Variants in ALPK3 observed in about 807,000 individuals in gnomAD.
ALPK3 encodes alpha-protein kinase 3.
A neutral mutation model predicts 140.0 loss-of-function variants in ALPK3; 102 were observed. The ratio of observed to expected loss-of-function variants is 0.73; its 90% CI spans 0.62 to 0.86. The LOEUF (loss-of-function observed/expected upper bound fraction) is 0.86. ALPK3 is among the 40% of genes least tolerant of loss of function. ALPK3 has a pLI of 0.00. For synonymous variants in ALPK3, 938 were observed against 898.5 expected, an observed-to-expected ratio of 1.04 and a Z score of -0.79; for missense variants, 2,254 against 2,208.2, an observed-to-expected ratio of 1.02 and a Z score of -0.42.
rs774145178 is a variant in ALPK3 at position 84,840,068 on chromosome 15, G to C, written c.789G>C (p.Leu263Phe). ...CTGAGACTGCTCAGCACTCAGGTTT[G>C]GGCCTGATCAACAGTTTTGCTTCTG... ...GETETAQHSG[L>F]GLINSFASGE... Residue 263 changes from leucine (L) to phenylalanine (F), a missense_variant, in exon 5 of 14, where the codon TTG (leucine) becomes TTC (phenylalanine). Transcript: ENST00000258888. 1 of 1,614,038 alleles carries C rather than the reference G, an allele frequency of 6.2e-7. No homozygotes were observed. Among genetic ancestry groups the C allele is most frequent in the African/African-American group, 1.3e-5 (1 of 74,938 alleles).
At chr15:84,858,595 G>A (rs1398047980) in intron 6 of ALPK3, 40 bp downstream of exon 6, 1 of 1,528,644 alleles carries the variant, frequency 6.5e-7, no homozygotes, top group Non-Finnish European at 8.7e-7. Context: ...TCACAGGACA[G>A]GGCCACAGAA....
chr15:84,871,797 C>T lies in ALPK3; in HGVS notation c.*3341C>T, dbSNP rs999031638. 6.6e-6 allele frequency: 1 copy of T among 152,258 alleles called. No individual in the cohort carries two copies. Among genetic ancestry groups the T allele is most frequent in the Non-Finnish European group, 1.5e-5 (1 of 68,062 alleles). The allele number at this position is 152,258 out of a possible 1,614,324, so 9.4% of individuals were successfully genotyped here. A position where few individuals can be genotyped will look rare whatever the true frequency, so the allele number is the denominator to read the frequency against. On this transcript the variant is annotated 3_prime_UTR_variant, in exon 14 of 14. Transcript: ENST00000258888. ...CCTGACAAGATGAGTGAATGCCTGC[C>T]CATCAACCCGTTACTATTCTTTTAG...
rs1234336773 is a variant in ALPK3 at position 84,858,544 on chromosome 15, A to T, written c.3806A>T (p.Asp1269Val). Residue 1269 changes from aspartate (D) to valine (V), a missense_variant, in exon 6 of 14, where the codon GAC (aspartate) becomes GTC (valine). Coordinates refer to ENST00000258888, the MANE Select transcript of ALPK3 (RefSeq NM_020778.5). ...ETLAKPRKAK[D>V]LLKAPQVIRK... is the part of the protein sequence containing the mutation. ...CTGGCCAAGCCCAGGAAAGCCAAAG[A>T]CCTGCTGAAAGGTGAGCAGTGGGGA... The T allele has an allele frequency of 6.3e-7, 1 of 1,586,512 alleles. No homozygotes were observed. Among genetic ancestry groups the T allele is most frequent in the Admixed American group, 1.7e-5 (1 of 57,674 alleles).
chr15:84,824,286 C>A (rs1963460941), intron 2 of ALPK3, among the ~76,000 whole-genome samples: 1 of 152,196 alleles, frequency 6.6e-6, no homozygotes, highest in African/African-American at 2.4e-5. Context: ...TCTGGGCAGG[C>A]TCATGGTCCA....
Position 84,868,222 on chromosome 15 carries a change from G to A in ALPK3, c.4884G>A (p.Pro1628=), listed in dbSNP as rs149117940. The change falls in exon 14 of 14, where the codon CCG becomes CCA. Residue 1628 remains proline, a synonymous_variant. Coordinates refer to ENST00000258888, the MANE Select transcript of ALPK3 (RefSeq NM_020778.5). The part of the protein sequence containing the change: ...ELLGLTPLKG[P]EAAHPQAKAK... Reference sequence around the variant, plus strand: ...TGGGGCTGACACCTCTCAAGGGCCCGGAGGCGGCCCACCCCCAAGCCAAAG... The same window carrying A: ...TGGGGCTGACACCTCTCAAGGGCCCAGAGGCGGCCCACCCCCAAGCCAAAG... 22 of 1,614,056 alleles carry A rather than the reference G, an allele frequency of 1.4e-5. No homozygotes were observed. The highest frequency in any genetic ancestry group is 1.7e-5 in the Admixed American group (1 of 60,014).
chr15:84,817,637 G>T, intron 1 of ALPK3, 42 bp downstream of exon 1: 2 of 1,465,250 alleles, frequency 1.4e-6, no homozygotes. Context: ...GGCCGGCGAT[G>T]CCCTGGGATC....
At chr15:84,841,466 G>T (rs540482557) in intron 5 of ALPK3, among the ~76,000 whole-genome samples, 2 of 152,226 alleles carry the variant, frequency 1.3e-5, no homozygotes, top group African/African-American at 4.8e-5. Context: ...GTGATCTAGA[G>T]CAAGTTGTAA....
chr15:84,849,107 A>C (rs1055855603), intron 5 of ALPK3, among the ~76,000 whole-genome samples: 4 of 151,920 alleles, frequency 2.6e-5, no homozygotes, highest in African/African-American at 9.7e-5. Flanking sequence ...ACGCCATTGC[A>C]CTCCAGCCTG....
At chr15:84,852,015 T>G (rs929592049) in intron 5 of ALPK3, among the ~76,000 whole-genome samples, 1 of 152,218 alleles carries the variant, frequency 6.6e-6, no homozygotes, top group African/African-American at 2.4e-5. Flanking sequence ...CAGAAGATAC[T>G]TTCCCAGATC....
chr15:84,859,446 T>C, intron 7 of ALPK3, 56 bp downstream of exon 7: 3 of 1,600,556 alleles, frequency 1.9e-6, no homozygotes, highest in Non-Finnish European at 2.6e-6. Flanking sequence ...AGTAATACCG[T>C]TGGGCACTGT....
intron 4 of ALPK3, among the ~76,000 whole-genome samples, 197 bp from the exon 5 acceptor site, chr15:84,839,505 C>T (rs907262691): frequency 5.9e-5 from 9 of 152,160 alleles, no homozygotes; most frequent in African/African-American, 2.2e-4. Flanking sequence ...CAGCCGCCAC[C>T]TTTTTGCCAG....
intron 2 of ALPK3, among the ~76,000 whole-genome samples, chr15:84,826,411 C>T (rs968208341): frequency 3.9e-5 from 6 of 152,174 alleles, no homozygotes; most frequent in Non-Finnish European, 8.8e-5. Flanking sequence ...TGCTTCTCTT[C>T]CCTTTGCCCC....
intron 5 of ALPK3, among the ~76,000 whole-genome samples, chr15:84,843,359 T>G (rs1054023882): frequency 5.3e-5 from 8 of 152,130 alleles, no homozygotes; most frequent in African/African-American, 1.9e-4. Flanking sequence ...TTCTGACCAC[T>G]TGGGTGGCTG....
At chr15:84,823,496 G>A in intron 2 of ALPK3, 128 bp downstream of exon 2, 1 of 1,059,630 alleles carries the variant, frequency 9.4e-7, no homozygotes, top group Non-Finnish European at 1.4e-6. Flanking sequence ...GAGGGTGGGT[G>A]GGGAGAGTGC....
chr15:84,863,481 C>G, intron 10 of ALPK3, 71 bp from the exon 11 acceptor site: 1 of 1,376,970 alleles, frequency 7.3e-7, no homozygotes, highest in South Asian at 1.3e-5. Context: ...GTAGCCCACT[C>G]ACTTAGGGGT....
At position 84,856,632 on chromosome 15, in the gene ALPK3, A is replaced by G; in HGVS notation, c.1894A>G (p.Arg632Gly). ...TRGDGTQTAQ[R>G]TRADRKTQVD... ...GGGAGATGGAACACAGACAGCCCAG[A>G]GGACACGTGCAGATAGGAAGACGCA... is the stretch of plus-strand genomic sequence containing the variant. The change falls in exon 6 of 14, where the codon AGG becomes GGG. Residue 632 changes from arginine to glycine, a missense_variant. Physicochemically the swap from Arg to Gly is moderately radical, Grantham distance 125 (BLOSUM62 -2). Coordinates refer to ENST00000258888, the MANE Select transcript of ALPK3 (RefSeq NM_020778.5). 6.2e-7 allele frequency: 1 copy of G among 1,614,146 alleles called. No individual in the cohort carries two copies. The highest frequency in any genetic ancestry group is 8.5e-7 in the Non-Finnish European group (1 of 1,180,028).
Position 84,858,042 on chromosome 15 carries a change from C to T in ALPK3, c.3304C>T (p.Leu1102Phe), listed in dbSNP as rs901021667. Residue 1102 changes from leucine to phenylalanine, a missense_variant, in exon 6 of 14, where the codon CTC (leucine) becomes TTC (phenylalanine). Around this residue, in one of 3 missense-constraint regions of ALPK3, gnomAD observed 2,088 missense variants for 2,022.9 expected, o/e 1.03. Transcript: ENST00000258888. Reference sequence around the variant, plus strand: ...AGAGGTTTCCCCTGAGGGGCCTGGCCTCCTGGGGGCCTCTCAGGAGAGCAG... The same window carrying T: ...AGAGGTTTCCCCTGAGGGGCCTGGCTTCCTGGGGGCCTCTCAGGAGAGCAG... Reference protein sequence around the residue: ...EGEVSPEGPGLLGASQESSMA... With the variant: ...EGEVSPEGPGFLGASQESSMA... The T allele has an allele frequency of 1.9e-6, 3 of 1,569,484 alleles. No individual in the cohort carries two copies. Among genetic ancestry groups the T allele is most frequent in the Non-Finnish European group, 2.6e-6 (3 of 1,160,430 alleles).
intron 5 of ALPK3, among the ~76,000 whole-genome samples, chr15:84,842,827 G>A (rs1963682303): frequency 6.6e-6 from 1 of 152,126 alleles, no homozygotes; most frequent in Non-Finnish European, 1.5e-5. Context: ...TGTAGTTTTG[G>A]CCACTGGAAT....
chr15:84,842,549 T>C (rs896475438), intron 5 of ALPK3, among the ~76,000 whole-genome samples: 2 of 152,014 alleles, frequency 1.3e-5, no homozygotes, highest in Non-Finnish European at 2.9e-5. Flanking sequence ...AGGGACAAGC[T>C]GATACAGCAC....
Sources: gnomAD v4.1 joint callset for allele counts (sites outside exome capture counted in the v4.1 genomes callset) on GRCh38, gnomAD v4.1.1 for gene constraint, gnomAD v4.1.1 regional missense constraint, MANE v1.5 for transcripts, NCBI Gene and HGNC (gene_info 2026-07-23, HGNC 2026-07-21) for gene names.